Variants in SHISA9 observed in about 807,000 individuals in gnomAD.
The protein encoded by SHISA9 is shisa family member 9, also known as protein shisa-9.
In SHISA9, 13 loss-of-function variants were observed where a neutral mutation model predicts 38.0. The observed-to-expected ratio is 0.34, with a 90% CI of 0.22 to 0.54. The LOEUF (loss-of-function observed/expected upper bound fraction) is 0.54. Ranked by LOEUF, SHISA9 falls within the 20% of genes least tolerant of loss-of-function variation. The probability of loss-of-function intolerance (pLI) is 0.91; values close to 1 mark genes in which losing one functional copy is unlikely to be tolerated. For missense variants in SHISA9, 538 were observed against 575.8 expected, an observed-to-expected ratio of 0.93 and a Z score of 0.67; for synonymous variants, 275 against 242.0, an observed-to-expected ratio of 1.14 and a Z score of -1.27.
chr16:12,954,889 T>C (rs2071807820), intron 2 of SHISA9, among the ~76,000 whole-genome samples: 1 of 152,106 alleles, frequency 6.6e-6, no homozygotes, highest in African/African-American at 2.4e-5. Context: ...TATTTCCATA[T>C]CCAGAGGGCA....
At chr16:13,016,212 T>C (rs2072755685) in intron 2 of SHISA9, among the ~76,000 whole-genome samples, 2 of 151,876 alleles carry the variant, frequency 1.3e-5, no homozygotes, top group East Asian at 2.0e-4. Flanking sequence ...ACTCCTAAAG[T>C]GATCTGCCTA....
At chr16:13,009,543 C>T (rs188262628) in intron 2 of SHISA9, among the ~76,000 whole-genome samples, 2 of 152,250 alleles carry the variant, frequency 1.3e-5, no homozygotes, top group South Asian at 2.1e-4. Flanking sequence ...GTGAAAGGGC[C>T]AATAGCCGGA....
chr16:12,919,886 A>G (rs1434423342), intron 2 of SHISA9, among the ~76,000 whole-genome samples: 1 of 152,096 alleles, frequency 6.6e-6, no homozygotes, highest in African/African-American at 2.4e-5. Flanking sequence ...TGAGATGGTG[A>G]TTTTCTGCAA....
the SHISA9 span, among the ~76,000 whole-genome samples, chr16:13,429,384 A>C: frequency 6.6e-6 from 1 of 151,362 alleles, no homozygotes; most frequent in East Asian, 1.9e-4. Flanking sequence ...CCTCTCTCAC[A>C]GCTCTCTGTG....
the SHISA9 span, among the ~76,000 whole-genome samples, chr16:13,483,982 G>C: frequency 6.6e-6 from 1 of 152,210 alleles, no homozygotes; most frequent in African/African-American, 2.4e-5. Context: ...GGGAACCCCA[G>C]TTTGAAGCCA....
chr16:13,283,493 A>T, the SHISA9 span, among the ~76,000 whole-genome samples: 1 of 152,120 alleles, frequency 6.6e-6, no homozygotes, highest in Non-Finnish European at 1.5e-5. Flanking sequence ...AGAAGAAGCA[A>T]GTCACATCTT....
At chr16:12,981,391 C>A (rs1596563190) in intron 2 of SHISA9, among the ~76,000 whole-genome samples, 1 of 152,224 alleles carries the variant, frequency 6.6e-6, no homozygotes, top group Non-Finnish European at 1.5e-5. Context: ...GAGCCATACT[C>A]CTTCAACCCT....
the SHISA9 span, among the ~76,000 whole-genome samples, chr16:13,387,585 G>A: frequency 1.4e-3 from 206 of 152,040 alleles, 2 homozygotes; most frequent in African/African-American, 4.6e-3. Flanking sequence ...CGCCTCCTGG[G>A]TTCAAACGAT....
chr16:13,451,346 A>G, the SHISA9 span, among the ~76,000 whole-genome samples: 4 of 152,180 alleles, frequency 2.6e-5, no homozygotes, highest in African/African-American at 7.2e-5. Context: ...CTGCTTTGGG[A>G]AGAAACCAAG....
At chr16:13,288,992 TG>T in the SHISA9 span, among the ~76,000 whole-genome samples, 1 of 152,112 alleles carries the variant, frequency 6.6e-6, no homozygotes, top group East Asian at 1.9e-4. Context: ...ATGAGGTTGG[TG>T]CACAATTCTG....
At chr16:13,273,147 G>C in the SHISA9 span, among the ~76,000 whole-genome samples, 2 of 152,058 alleles carry the variant, frequency 1.3e-5, no homozygotes, top group African/African-American at 4.8e-5. Context: ...GTTTATTGAA[G>C]TATTATTAAT....
At chr16:13,549,652 C>T in the SHISA9 span, among the ~76,000 whole-genome samples, 1 of 152,038 alleles carries the variant, frequency 6.6e-6, no homozygotes, top group Admixed American at 6.6e-5. Flanking sequence ...GTTATGAAGA[C>T]AATAAAACAG....
At chr16:12,922,430 T>C (rs1417315676) in intron 2 of SHISA9, among the ~76,000 whole-genome samples, 1 of 152,238 alleles carries the variant, frequency 6.6e-6, no homozygotes, top group Non-Finnish European at 1.5e-5. Context: ...TCTTTCCTCT[T>C]TCACCTCATA....
chr16:13,294,409 T>C, the SHISA9 span, among the ~76,000 whole-genome samples: 1 of 152,286 alleles, frequency 6.6e-6, no homozygotes, highest in Non-Finnish European at 1.5e-5. Context: ...ATTCCTCTTC[T>C]TCCTGGACCA....
At chr16:13,302,123 A>T in the SHISA9 span, among the ~76,000 whole-genome samples, 1 of 152,174 alleles carries the variant, frequency 6.6e-6, no homozygotes, top group South Asian at 2.1e-4. Context: ...ATTATAGGAC[A>T]TAGATCCTTG....
chr16:13,120,620 A>G (rs1434065256), intron 2 of SHISA9, among the ~76,000 whole-genome samples: 2 of 152,206 alleles, frequency 1.3e-5, no homozygotes, highest in African/African-American at 4.8e-5. Context: ...AATATTTATG[A>G]GACAGGAAAA....
chr16:13,049,168 G>C (rs867853947), intron 2 of SHISA9, among the ~76,000 whole-genome samples: 9,027 of 126,002 alleles, frequency 0.072, 289 homozygotes, highest in Middle Eastern at 0.093. Flanking sequence ...GTGTGTGTGT[G>C]TGTGTGTGTG....
chr16:12,989,600 G>C (rs2072357854), intron 2 of SHISA9, among the ~76,000 whole-genome samples: 1 of 152,050 alleles, frequency 6.6e-6, no homozygotes, highest in African/African-American at 2.4e-5. Context: ...TCCTGGCCCA[G>C]CCTGTTTTTT....
chr16:13,062,946 C>T (rs796488696), intron 2 of SHISA9, among the ~76,000 whole-genome samples: 10 of 147,514 alleles, frequency 6.8e-5, no homozygotes, highest in African/African-American at 2.2e-4. Flanking sequence ...GATGCACTTG[C>T]CTGGGCGTGC....
Sources: gnomAD v4.1 joint callset for allele counts (sites outside exome capture counted in the v4.1 genomes callset) on GRCh38, gnomAD v4.1.1 for gene constraint, MANE v1.5 for transcripts, NCBI Gene and HGNC (gene_info 2026-07-23, HGNC 2026-07-21) for gene names.